The following PTPRG variants were observed in gnomAD, a reference collection of about 807,000 sequenced individuals.
PTPRG encodes receptor-type tyrosine-protein phosphatase gamma.
PTPRG carries 102 observed loss-of-function variants against 165.3 expected under a neutral mutation model. That is an observed-to-expected ratio of 0.62 (90% CI 0.53 to 0.73). PTPRG has a LOEUF of 0.73. Ranked by LOEUF, PTPRG falls within the 30% of genes least tolerant of loss-of-function variation. PTPRG has a pLI of 0.00. For synonymous variants in PTPRG, 675 were observed against 669.5 expected (o/e 1.01, Z -0.13); for missense variants, 1,866 against 1,861.4 (o/e 1.00, Z -0.05).
chr3:61,937,264 G>A (rs2039503604), intron 2 of PTPRG, among the ~76,000 whole-genome samples: 1 of 152,162 alleles, frequency 6.6e-6, no homozygotes, highest in Admixed American at 6.5e-5. Context: ...ACCAGATTTG[G>A]CGTCCCTGGC....
At chr3:61,571,300 A>G (rs1700049515) in intron 1 of PTPRG, among the ~76,000 whole-genome samples, 2 of 152,264 alleles carry the variant, frequency 1.3e-5, no homozygotes, top group South Asian at 4.2e-4. Context: ...TGTTTCTCTA[A>G]TCATTGCTCA....
At chr3:61,769,826 A>G (rs948535528) in intron 2 of PTPRG, 1 of 152,078 alleles carries the variant, frequency 6.6e-6, no homozygotes, top group Admixed American at 6.6e-5. Flanking sequence ...TTTTTTTCTG[A>G]CTGTAAAGAG....
chr3:61,979,019 G>A (rs762253489), intron 2 of PTPRG, among the ~76,000 whole-genome samples: 3 of 152,182 alleles, frequency 2.0e-5, no homozygotes, highest in African/African-American at 7.2e-5. Flanking sequence ...TATTTGACAC[G>A]AGTTGTTGAA....
At chr3:61,912,731 C>G (rs1030687117) in intron 2 of PTPRG, among the ~76,000 whole-genome samples, 3 of 152,146 alleles carry the variant, frequency 2.0e-5, no homozygotes, top group African/African-American at 4.8e-5. Context: ...TCTTTATTCT[C>G]CATGCAGTTA....
At chr3:61,991,956 G>A (rs893795151) in intron 3 of PTPRG, among the ~76,000 whole-genome samples, 2 of 152,152 alleles carry the variant, frequency 1.3e-5, no homozygotes, top group African/African-American at 4.8e-5. Flanking sequence ...TCACTCTCCT[G>A]GCTTCCTAGA....
At chr3:61,736,394 C>A (rs2032724199) in intron 1 of PTPRG, among the ~76,000 whole-genome samples, 1 of 151,526 alleles carries the variant, frequency 6.6e-6, no homozygotes, top group South Asian at 2.1e-4. Context: ...TATATTCTTT[C>A]TTTTCCTTAT....
chr3:61,581,563 G>A (rs1700294877), intron 1 of PTPRG, among the ~76,000 whole-genome samples: 1 of 151,952 alleles, frequency 6.6e-6, no homozygotes, highest in Non-Finnish European at 1.5e-5. Flanking sequence ...GTGAGAGGGG[G>A]AGCAGGGCAG....
At chr3:61,723,883 A>G (rs1476265244) in intron 1 of PTPRG, among the ~76,000 whole-genome samples, 2 of 152,068 alleles carry the variant, frequency 1.3e-5, no homozygotes, top group Non-Finnish European at 2.9e-5. Context: ...TTCCTCTACT[A>G]TCTCCAAATG....
chr3:61,918,910 G>C (rs1478719283), intron 2 of PTPRG, among the ~76,000 whole-genome samples: 1 of 152,148 alleles, frequency 6.6e-6, no homozygotes, highest in Non-Finnish European at 1.5e-5. Context: ...GGAGATCGTG[G>C]TTCTGTAAAT....
intron 4 of PTPRG, among the ~76,000 whole-genome samples, chr3:62,003,870 A>C (rs748763367): frequency 9.9e-5 from 15 of 152,248 alleles, no homozygotes; most frequent in Admixed American, 3.3e-4. Context: ...AGTTGGCAAC[A>C]TGAAGAGGAG....
intron 1 of PTPRG, among the ~76,000 whole-genome samples, chr3:61,664,006 A>G (rs567870477): frequency 4.3e-4 from 66 of 152,346 alleles, no homozygotes; most frequent in African/African-American, 6.0e-4. Context: ...GTAGGCAGGC[A>G]TGTATTTCTC....
At chr3:62,133,438 A>ATAAAACATCTTCACACCTTTTTGAGAGG in intron 6 of PTPRG, among the ~76,000 whole-genome samples, 1 of 152,250 alleles carries the variant, frequency 6.6e-6, no homozygotes, top group African/African-American at 2.4e-5. Flanking sequence ...CACAGCTGTG[A>ATAAAACATCTTCACACCTTTTTGAGAGG]TAAAACATCT....
chr3:62,018,521 G>A (rs1330771927), intron 4 of PTPRG, among the ~76,000 whole-genome samples: 1 of 152,198 alleles, frequency 6.6e-6, no homozygotes, highest in African/African-American at 2.4e-5. Flanking sequence ...TCCTCTAAAT[G>A]ATTCGAAGTC....
intron 1 of PTPRG, among the ~76,000 whole-genome samples, chr3:61,678,844 A>G (rs771338250): frequency 3.9e-5 from 6 of 152,162 alleles, no homozygotes; most frequent in East Asian, 1.9e-4. Context: ...GTAATACCCA[A>G]TAGTCTCTTT....
chr3:62,105,647 T>G (rs780317221), intron 5 of PTPRG, among the ~76,000 whole-genome samples: 1 of 152,174 alleles, frequency 6.6e-6, no homozygotes, highest in Non-Finnish European at 1.5e-5. Context: ...GCGTAAGAAA[T>G]TAGCTTAAAG....
intron 4 of PTPRG, among the ~76,000 whole-genome samples, chr3:62,045,085 A>G (rs142588652): frequency 5.3e-4 from 80 of 152,302 alleles, no homozygotes; most frequent in African/African-American, 1.9e-3. Flanking sequence ...CATGAAACTC[A>G]TAGTAGTTGT....
At chr3:61,621,033 G>GTGTGTGTATATATATATATA (rs767786792) in intron 1 of PTPRG, among the ~76,000 whole-genome samples, 40 of 129,984 alleles carry the variant, frequency 3.1e-4, no homozygotes, top group African/African-American at 1.1e-3. Flanking sequence ...GTGTGTGTGT[G>GTGTGTGTATATATATATATA]TATATATATA....
intron 2 of PTPRG, among the ~76,000 whole-genome samples, chr3:61,883,884 G>GT (rs2037957667): frequency 6.6e-6 from 1 of 152,102 alleles, no homozygotes; most frequent in African/African-American, 2.4e-5. Context: ...GCTAATTTCT[G>GT]TTTTTGTTTT....
intron 1 of PTPRG, among the ~76,000 whole-genome samples, chr3:61,653,903 G>T (rs77354197): frequency 5.1e-5 from 7 of 137,920 alleles, no homozygotes; most frequent in South Asian, 2.4e-4. Flanking sequence ...GAGCGGTGGG[G>T]GGCGCGGGGA....
Sources: allele counts gnomAD v4.1 joint callset (sites outside exome capture counted in the v4.1 genomes callset), GRCh38; gene constraint gnomAD v4.1.1; transcripts MANE v1.5; gene names NCBI Gene and HGNC (gene_info 2026-07-23, HGNC 2026-07-21).